The following VWA8 variants were observed in gnomAD, a reference collection of about 807,000 sequenced individuals.
VWA8 encodes the protein von Willebrand factor A domain containing 8, also known as von Willebrand factor A domain-containing protein 8.
Under a neutral mutation model 241.5 loss-of-function variants are expected in VWA8, and 221 were observed. The ratio of observed to expected loss-of-function variants is 0.91; its 90% CI spans 0.82 to 1.02. The LOEUF (loss-of-function observed/expected upper bound fraction) is 1.02. Among genes scored for constraint, VWA8 ranks in the 50% least tolerant of loss-of-function variants. VWA8 has a pLI of 0.00. For synonymous variants in VWA8, 852 were observed against 827.1 expected (o/e 1.03, Z -0.52); for missense variants, 2,322 against 2,328.7 (o/e 1.00, Z 0.06).
intron 26 of VWA8, among the ~76,000 whole-genome samples, chr13:41,715,557 A>C (rs1395741234): frequency 6.6e-6 from 1 of 152,010 alleles, no homozygotes; most frequent in African/African-American, 2.4e-5. Flanking sequence ...GTTTATTCCC[A>C]AATAAAAGAA....
chr13:41,570,782 G>T, intron 43 of VWA8, 76 bp from the exon 44 acceptor site: 2 of 1,333,736 alleles, frequency 1.5e-6, no homozygotes, highest in South Asian at 1.3e-5. Flanking sequence ...TTTTTCTATT[G>T]ACCATGAGCA....
rs78891511 is a variant in VWA8 at position 41,782,260 on chromosome 13, T to C, written c.2277+1535A>G. Among the ~76,000 whole-genome samples, 1,134 of 152,336 alleles carry C rather than the reference T, an allele frequency of 7.4e-3. 16 individuals carry two copies. Among genetic ancestry groups the C allele is most frequent in the African/African-American group, 0.026 (1,083 of 41,580 alleles). ...CATTGTGTTCAAGGGCACAATGGTC[T>C]TTGCTGCTACTGTATTTCCTACATT... On this transcript the variant is annotated intron_variant, in intron 19 of 44. Transcript: ENST00000379310.
At chr13:41,712,010 A>G (rs936557313) in intron 26 of VWA8, among the ~76,000 whole-genome samples, 2 of 151,968 alleles carry the variant, frequency 1.3e-5, no homozygotes, top group Non-Finnish European at 2.9e-5. Flanking sequence ...CAAATACTAC[A>G]TGTTCTCACT....
chr13:41,625,370 C>T (rs998630369), intron 37 of VWA8, among the ~76,000 whole-genome samples: 48 of 151,094 alleles, frequency 3.2e-4, no homozygotes, highest in Non-Finnish European at 5.6e-4. Context: ...ACAATGAACT[C>T]AAACAAATTT....
intron 16 of VWA8, 119 bp from the exon 17 acceptor site, chr13:41,811,459 G>C (rs917394900): frequency 1.8e-6 from 1 of 565,210 alleles, no homozygotes; most frequent in Non-Finnish European, 3.0e-6. Context: ...CTTAAAGTAT[G>C]TGCTGTTAAT....
At chr13:41,675,788 G>A (rs2045056298) in intron 35 of VWA8, among the ~76,000 whole-genome samples, 1 of 152,056 alleles carries the variant, frequency 6.6e-6, no homozygotes, top group Middle Eastern at 3.2e-3. Flanking sequence ...ACTGTAAAAT[G>A]GGGATAACAA....
chr13:41,679,620 G>A (rs956878227), intron 35 of VWA8, among the ~76,000 whole-genome samples: 2 of 152,148 alleles, frequency 1.3e-5, no homozygotes, highest in African/African-American at 4.8e-5. Context: ...CTCCCCATCT[G>A]CATTAAATAA....
At chr13:41,863,421 G>GAA (rs1873109332) in intron 12 of VWA8, among the ~76,000 whole-genome samples, 1 of 66,668 alleles carries the variant, frequency 1.5e-5, no homozygotes, top group Non-Finnish European at 3.1e-5. Flanking sequence ...GTGTGTGTGT[G>GAA]TGTGTGTGTG....
chr13:41,960,722 C>A lies in VWA8; in HGVS notation c.163+131G>T, dbSNP rs912021926. ...CCGAGGTCGGGACTAGAACCTCAATCTTTCAGCTCCCCGCTCGGCAAACGG... is the reference window on the plus strand; with the variant it reads ...CCGAGGTCGGGACTAGAACCTCAATATTTCAGCTCCCCGCTCGGCAAACGG... On this transcript the variant is annotated intron_variant, in intron 1 of 44. Transcript: ENST00000379310. 7 of 1,315,986 alleles carry A rather than the reference C, an allele frequency of 5.3e-6. No homozygotes were observed. In the African/African-American group the frequency reaches 1.1e-4, roughly 20 times the overall value. 81.5% of individuals were successfully genotyped at this position (1,315,986 alleles called of 1,614,324 possible).
chr13:41,614,082 C>T (rs960197348), intron 38 of VWA8, among the ~76,000 whole-genome samples: 11 of 152,218 alleles, frequency 7.2e-5, no homozygotes, highest in South Asian at 2.1e-4. Flanking sequence ...GTTGGCTTGA[C>T]GCTAACTTCC....
chr13:41,826,612 A>T (rs1566472329), intron 14 of VWA8, among the ~76,000 whole-genome samples: 1 of 152,066 alleles, frequency 6.6e-6, no homozygotes, highest in Non-Finnish European at 1.5e-5. Context: ...GCTCACACCT[A>T]TATTGCCAGC....
chr13:41,839,290 GTCT>G (rs1458830207), intron 12 of VWA8, among the ~76,000 whole-genome samples: 3 of 152,152 alleles, frequency 2.0e-5, no homozygotes, highest in African/African-American at 4.8e-5. Context: ...CTGCATAAAT[GTCT>G]TCTTTTGAAA....
chr13:41,748,601 C>T (rs1036719698), intron 21 of VWA8, among the ~76,000 whole-genome samples: 3 of 152,144 alleles, frequency 2.0e-5, no homozygotes, highest in East Asian at 3.9e-4. Context: ...CTATCTCCTT[C>T]AGTTCTGCTC....
chr13:41,785,816 A>G (rs1869166291), intron 18 of VWA8, among the ~76,000 whole-genome samples: 1 of 152,154 alleles, frequency 6.6e-6, no homozygotes, highest in African/African-American at 2.4e-5. Context: ...AAAGGGAAAG[A>G]AAGAGCAGGG....
intron 40 of VWA8, among the ~76,000 whole-genome samples, chr13:41,592,347 T>G (rs2044461076): frequency 1.4e-5 from 2 of 147,496 alleles, no homozygotes; most frequent in Non-Finnish European, 3.0e-5. Flanking sequence ...GGGATAGCTT[T>G]GGGAGATATA....
intron 12 of VWA8, among the ~76,000 whole-genome samples, chr13:41,849,110 T>G (rs1872412618): frequency 1.3e-5 from 2 of 152,216 alleles, no homozygotes. Context: ...GGCTTCCACT[T>G]CAAACAGCCT....
chr13:41,837,702 T>G (rs1277664444), intron 12 of VWA8, among the ~76,000 whole-genome samples: 1 of 152,194 alleles, frequency 6.6e-6, no homozygotes, highest in East Asian at 1.9e-4. Flanking sequence ...TGCACATTGC[T>G]ATTAGTAAGC....
intron 21 of VWA8, among the ~76,000 whole-genome samples, chr13:41,736,302 T>C (rs990501037): frequency 1.3e-5 from 2 of 152,214 alleles, no homozygotes; most frequent in East Asian, 1.9e-4. Context: ...CAAAGAAATA[T>C]TGTACTAAAC....
intron 42 of VWA8, among the ~76,000 whole-genome samples, chr13:41,578,162 T>A (rs1371930016): frequency 6.6e-6 from 1 of 152,234 alleles, no homozygotes; most frequent in Admixed American, 6.5e-5. Flanking sequence ...CCTTTCTTTC[T>A]TCTTTTTTTC....
Sources: allele counts gnomAD v4.1 joint callset (sites outside exome capture counted in the v4.1 genomes callset), GRCh38; gene constraint gnomAD v4.1.1; transcripts MANE v1.5; gene names NCBI Gene and HGNC (gene_info 2026-07-23, HGNC 2026-07-21).